The following TMEM258 variants were observed in gnomAD, a reference collection of about 807,000 sequenced individuals.
TMEM258 encodes transmembrane protein 258.
In TMEM258, 11 loss-of-function variants were observed where a neutral mutation model predicts 9.9. The observed-to-expected ratio is 1.11, with a 90% CI of 0.70 to 1.85. The LOEUF (loss-of-function observed/expected upper bound fraction) is 1.85. Ranked by LOEUF, TMEM258 falls within the 40% of genes most tolerant of loss-of-function variation. The pLI, the probability that TMEM258 is intolerant of heterozygous loss-of-function variation, is 0.00. For missense variants in TMEM258, 81 were observed against 99.7 expected, an observed-to-expected ratio of 0.81 and a Z score of 0.80; for synonymous variants, 40 against 39.1, an observed-to-expected ratio of 1.02 and a Z score of -0.09.
chr11:61,789,769 C>A lies in TMEM258; in HGVS notation c.*10+16G>T. The stretch of plus-strand genomic sequence containing the variant: ...TGCCTTGGAGGCTCACGCATCCATC[C>A]CATTGCAGCTCTTACCCTTGGGTGC... On this transcript the variant is annotated intron_variant, in intron 3 of 3. Coordinates refer to ENST00000537328, the MANE Select transcript of TMEM258 (RefSeq NM_014206.4). The A allele has an allele frequency of 6.2e-7, 1 of 1,601,214 alleles. No individual in the cohort carries two copies. Among genetic ancestry groups the A allele is most frequent in the South Asian group, 1.1e-5 (1 of 89,052 alleles).
Position 61,790,617 on chromosome 11 carries a change from G to T in TMEM258, c.4-15C>A. 6.2e-7 allele frequency: 1 copy of T among 1,606,518 alleles called. No homozygotes were observed. Among genetic ancestry groups the T allele is most frequent in the Non-Finnish European group, 8.5e-7 (1 of 1,174,526 alleles). ...GCCTCGAGCTCCTAGAGGAGGGAAA[G>T]AGATCAGAGCTATCAAAGAATCCCA... is the stretch of plus-strand genomic sequence containing the variant. On this transcript the variant is annotated splice_polypyrimidine_tract_variant and intron_variant, in intron 1 of 3. Coordinates refer to ENST00000537328, the MANE Select transcript of TMEM258 (RefSeq NM_014206.4).
At position 61,790,512 on chromosome 11, in the gene TMEM258, A is replaced by C. The variant is rs759917026; in HGVS notation, c.94T>G (p.Phe32Val). 1 of 1,614,062 alleles carries C rather than the reference A, an allele frequency of 6.2e-7. No homozygotes were observed. The highest frequency in any genetic ancestry group is 1.3e-5 in the African/African-American group (1 of 75,064). The change falls in exon 2 of 4, where the codon TTC (phenylalanine) becomes GTC (valine). Residue 32 changes from phenylalanine (F) to valine (V), a missense_variant. Transcript: ENST00000537328. ...TVVLLAIGMF[F>V]TAWFFVYEVT... Reference sequence around the variant, plus strand: ...GGATACACGAAGAACCAGGCGGTGAAGAACATGCCAATGGCCAAAAGCACC... The same window carrying C: ...GGATACACGAAGAACCAGGCGGTGACGAACATGCCAATGGCCAAAAGCACC...
In TMEM258 at chr11:61,789,905, T is replaced by C; in HGVS notation, c.130A>G (p.Thr44Ala). The C allele has an allele frequency of 6.2e-7, 1 of 1,613,348 alleles. No homozygotes were observed. Among genetic ancestry groups the C allele is most frequent in the East Asian group, 2.2e-5 (1 of 44,880 alleles). The change falls in exon 3 of 4, where the codon ACC (threonine) becomes GCC (alanine). Residue 44 changes from threonine to alanine, a missense_variant. By Grantham distance (58) the Thr-to-Ala change is moderately conservative. Transcript: ENST00000537328. Reference protein sequence around the residue: ...AWFFVYEVTSTKYTRDIYKEL... With the variant: ...AWFFVYEVTSAKYTRDIYKEL... ...TTATAGATATCACGAGTGTACTTGG[T>C]AGAGGTGACCTCGTAACTGGGCACA... is the stretch of plus-strand genomic sequence containing the variant.
rs750192914 is a variant in TMEM258 at position 61,790,098 on chromosome 11, TGAA to T, written c.114-180_114-178del. On this transcript the variant is annotated intron_variant, in intron 2 of 3. Coordinates refer to ENST00000537328, the MANE Select transcript of TMEM258 (RefSeq NM_014206.4). ...CTTGGACTCTGGTGCTCCACTGCCA[TGAA>T]GAAAATGAGACCCAGAGGAGTTAGG... The T allele has an allele frequency of 6.3e-4, 462 of 736,744 alleles. 1 individual carries two copies. In the Middle Eastern group the frequency reaches 0.011, roughly 17 times the overall value. The allele number at this position is 736,744 out of a possible 1,614,324, so 45.6% of individuals were successfully genotyped here. A position where few individuals can be genotyped will look rare whatever the true frequency, so the allele number is the denominator to read the frequency against.
intron 1 of TMEM258, chr11:61,791,915 A>T (rs1255817594): frequency 6.6e-6 from 1 of 152,536 alleles, no homozygotes; most frequent in Non-Finnish European, 1.5e-5. Context: ...ACTCTAGAGA[A>T]GTAAACTGCC....
In TMEM258 at chr11:61,790,682, C is replaced by A; in HGVS notation, c.4-80G>T. The A allele has an allele frequency of 4.8e-6, 6 of 1,249,164 alleles. No individual in the cohort carries two copies. The South Asian group carries it at 7.1e-5, about 15-fold the overall frequency. 77.4% of individuals were successfully genotyped at this position (1,249,164 alleles called of 1,614,324 possible). ...AGAGAACATGCGGTTATCAAGGAGC[C>A]TGGTGCTGCCGTGAAACAGAGGCTG... On this transcript the variant is annotated intron_variant, in intron 1 of 3. Coordinates refer to ENST00000537328, the MANE Select transcript of TMEM258 (RefSeq NM_014206.4).
chr11:61,790,706 T>G, intron 1 of TMEM258, 104 bp from the exon 2 acceptor site: 1 of 961,416 alleles, frequency 1.0e-6, no homozygotes, highest in South Asian at 1.7e-5. Context: ...AAACAGAGGC[T>G]GATTTTAGCC....
chr11:61,792,444 C>T, intron 1 of TMEM258, 112 bp downstream of exon 1: 1 of 1,501,162 alleles, frequency 6.7e-7, no homozygotes, highest in Non-Finnish European at 9.3e-7. Context: ...GCCGGAGGTT[C>T]CAGGAGCGTC....
At position 61,789,867 on chromosome 11, in the gene TMEM258, G is replaced by A. The variant is rs1360113113; in HGVS notation, c.168C>T (p.Ile56=). Residue 56 remains isoleucine (I), a synonymous_variant, in exon 3 of 4, where the codon ATC becomes ATT. Transcript: ENST00000537328. ...CCATGAAGAGTGAGGCCACTAAGGA[G>A]ATGAGGAGCTCTTTATAGATATCAC... ...YTRDIYKELL[I]SLVASLFMGF... The A allele has an allele frequency of 1.2e-6, 2 of 1,613,542 alleles. No homozygotes were observed. Among genetic ancestry groups the A allele is most frequent in the Non-Finnish European group, 1.7e-6 (2 of 1,179,794 alleles).
rs569540897 is a variant in TMEM258, at chr11:61,792,561, T to C, written c.-3A>G. 4 of 1,613,796 alleles carry C rather than the reference T, an allele frequency of 2.5e-6. No homozygotes were observed. The highest frequency in any genetic ancestry group is 2.7e-5 in the African/African-American group (2 of 74,938). On this transcript the variant is annotated 5_prime_UTR_variant, in exon 1 of 4. Coordinates refer to ENST00000537328, the MANE Select transcript of TMEM258 (RefSeq NM_014206.4). ...ACTCCCCTCAACGCTCTCACCATTT[T>C]GCCCCGCGAAGGCTAATCCGCCGCT...
chr11:61,790,736 C>A, intron 1 of TMEM258, 134 bp from the exon 2 acceptor site: 1 of 682,730 alleles, frequency 1.5e-6, no homozygotes, highest in Non-Finnish European at 2.5e-6. Context: ...AGCTGCAGAT[C>A]AATGGCCCTT....
chr11:61,792,388 G>C (rs1025436654), intron 1 of TMEM258, 168 bp downstream of exon 1: 1 of 898,180 alleles, frequency 1.1e-6, no homozygotes, highest in Admixed American at 2.3e-5. Flanking sequence ...AGAAACCTAA[G>C]GAGTTCATGG....
intron 1 of TMEM258, among the ~76,000 whole-genome samples, chr11:61,790,806 C>T (rs1056332295): frequency 2.0e-5 from 3 of 152,176 alleles, no homozygotes; most frequent in African/African-American, 4.8e-5. Context: ...AAGGTACGAA[C>T]TCTCTGCCTG....
Position 61,790,564 on chromosome 11 carries a change from G to T in TMEM258, c.42C>A (p.Asn14Lys). The T allele has an allele frequency of 6.2e-7, 1 of 1,614,152 alleles. No homozygotes were observed. Among genetic ancestry groups the T allele is most frequent in the Non-Finnish European group, 8.5e-7 (1 of 1,180,010 alleles). Reference sequence around the variant, plus strand: ...CGGTCAGATGGGGGAAGACAGCTGGGTTCACTGGGCTGGTATATCTGCTCA... The same window carrying T: ...CGGTCAGATGGGGGAAGACAGCTGGTTTCACTGGGCTGGTATATCTGCTCA... ...EAMSRYTSPV[N>K]PAVFPHLTVV... The change falls in exon 2 of 4, where the codon AAC (asparagine) becomes AAA (lysine). Residue 14 changes from asparagine to lysine, a missense_variant. Physicochemically the swap from Asn to Lys is moderately conservative, Grantham distance 94. Transcript: ENST00000537328.
At chr11:61,790,740 G>C in intron 1 of TMEM258, 138 bp from the exon 2 acceptor site, 1 of 667,646 alleles carries the variant, frequency 1.5e-6, no homozygotes, top group South Asian at 2.0e-5. Context: ...GCAGATCAAT[G>C]GCCCTTATTA....
chr11:61,792,575 T>C lies in TMEM258; in HGVS notation c.-17A>G, dbSNP rs1378596138. The C allele has an allele frequency of 6.8e-6, 11 of 1,613,538 alleles. No individual in the cohort carries two copies. Among genetic ancestry groups the C allele is most frequent in the Non-Finnish European group, 9.3e-6 (11 of 1,179,996 alleles). On this transcript the variant is annotated 5_prime_UTR_variant, in exon 1 of 4. Coordinates refer to ENST00000537328, the MANE Select transcript of TMEM258 (RefSeq NM_014206.4). ...TCTCACCATTTTGCCCCGCGAAGGC[T>C]AATCCGCCGCTCCGCCACCGGAAGA...
intron 1 of TMEM258, among the ~76,000 whole-genome samples, chr11:61,790,827 C>T (rs549470622): frequency 6.6e-6 from 1 of 152,330 alleles, no homozygotes; most frequent in South Asian, 2.1e-4. Flanking sequence ...AGAAAAACCA[C>T]ATACAAGAAA....
intron 2 of TMEM258, 140 bp from the exon 3 acceptor site, chr11:61,790,061 C>T (rs968921136): frequency 9.6e-7 from 1 of 1,047,050 alleles, no homozygotes; most frequent in Non-Finnish European, 1.3e-6. Context: ...GGCAGAGGGG[C>T]CTAAGAGATG....
chr11:61,790,669 G>A, intron 1 of TMEM258, 67 bp from the exon 2 acceptor site: 1 of 1,389,860 alleles, frequency 7.2e-7, no homozygotes, highest in Non-Finnish European at 9.9e-7. Flanking sequence ...AGAACATGCG[G>A]TTATCAAGGA....
Sources: allele counts gnomAD v4.1 joint callset (sites outside exome capture counted in the v4.1 genomes callset), GRCh38; gene constraint gnomAD v4.1.1; transcripts MANE v1.5; gene names NCBI Gene and HGNC (gene_info 2026-07-23, HGNC 2026-07-21).